RIN2: variants seen among roughly 807,000 people sequenced by gnomAD.
The protein encoded by RIN2 is Ras and Rab interactor 2, also known as RAB5 interacting protein 2.
In RIN2, 36 loss-of-function variants were observed where a neutral mutation model predicts 78.0. The observed-to-expected ratio is 0.46, with a 90% confidence interval of 0.35 to 0.61. RIN2 has a LOEUF of 0.61. RIN2 is among the 20% of genes least tolerant of loss of function. The pLI is 0.00. For synonymous variants in RIN2, 466 were observed against 466.8 expected (o/e 1.00, Z 0.02); for missense variants, 1,087 against 1,159.7 (o/e 0.94, Z 0.91).
chr20:19,967,820 G>A (rs1201260681), intron 7 of RIN2, among the ~76,000 whole-genome samples: 1 of 151,450 alleles, frequency 6.6e-6, no homozygotes, highest in Non-Finnish European at 1.5e-5. Context: ...CCGGAATAGA[G>A]GAATAGAGGA....
At chr20:19,807,680 G>A (rs1222807314) in intron 2 of RIN2, among the ~76,000 whole-genome samples, 1 of 152,174 alleles carries the variant, frequency 6.6e-6, no homozygotes, top group East Asian at 1.9e-4. Context: ...AAACTTGTCA[G>A]AATGAAATAA....
At chr20:19,889,176 C>T in intron 2 of RIN2, 3 of 985,448 alleles carry the variant, frequency 3.0e-6, no homozygotes, top group Non-Finnish European at 3.6e-6. Flanking sequence ...ATGTACAGAA[C>T]CTCCTTCTTC....
At chr20:19,873,355 G>C (rs1568561336) in intron 2 of RIN2, among the ~76,000 whole-genome samples, 1 of 152,036 alleles carries the variant, frequency 6.6e-6, no homozygotes, top group East Asian at 1.9e-4. Flanking sequence ...TTGAACTCCG[G>C]GGTCAAGGGA....
chr20:19,774,604 G>A lies in RIN2; in HGVS notation c.-163+16277G>A, dbSNP rs187401923. Among the ~76,000 whole-genome samples the A allele has an allele frequency of 4.7e-3, 722 of 152,300 alleles. 5 individuals are homozygous for A. The highest frequency in any genetic ancestry group is 0.017 in the African/African-American group (690 of 41,562). On this transcript the variant is annotated intron_variant, in intron 1 of 12. Coordinates refer to ENST00000255006, the MANE Select transcript of RIN2 (RefSeq NM_018993.4). ...TTCTAGAAAAAGGACACAAGGGAGTGGGATCCATGCATTTGCTCATCAAAT... is the reference window on the plus strand; with the variant it reads ...TTCTAGAAAAAGGACACAAGGGAGTAGGATCCATGCATTTGCTCATCAAAT...
intron 1 of RIN2, among the ~76,000 whole-genome samples, chr20:19,774,927 G>A (rs1372577791): frequency 1.3e-5 from 2 of 152,212 alleles, no homozygotes; most frequent in Non-Finnish European, 2.9e-5. Flanking sequence ...ACCCAGCAAA[G>A]CTGTGGTGAA....
At chr20:19,856,814 G>A (rs1292684150) in intron 2 of RIN2, among the ~76,000 whole-genome samples, 3 of 152,298 alleles carry the variant, frequency 2.0e-5, no homozygotes, top group South Asian at 2.1e-4. Context: ...CTAGCACCAT[G>A]AGCGAGGTAG....
intron 2 of RIN2, chr20:19,889,006 C>G (rs1380967643): frequency 7.0e-6 from 3 of 430,998 alleles, no homozygotes; most frequent in Admixed American, 6.4e-5. Context: ...CTTCCGTGAA[C>G]TGATCCCTGT....
chr20:19,857,837 A>G (rs1186860822), intron 2 of RIN2, among the ~76,000 whole-genome samples: 1 of 152,132 alleles, frequency 6.6e-6, no homozygotes, highest in African/African-American at 2.4e-5. Context: ...AATAATAATA[A>G]TAATTTGGAT....
At chr20:19,940,322 T>C (rs1482496941) in intron 4 of RIN2, among the ~76,000 whole-genome samples, 1 of 152,174 alleles carries the variant, frequency 6.6e-6, no homozygotes, top group African/African-American at 2.4e-5. Context: ...CCCTTAGTGA[T>C]TTTAAAGTAT....
At chr20:19,933,676 C>T (rs894730930) in intron 3 of RIN2, among the ~76,000 whole-genome samples, 2 of 152,088 alleles carry the variant, frequency 1.3e-5, no homozygotes, top group African/African-American at 4.8e-5. Flanking sequence ...AAGCTTTAAG[C>T]GCAAGTGAAG....
intron 3 of RIN2, among the ~76,000 whole-genome samples, chr20:19,903,364 A>G (rs774547074): frequency 2.6e-5 from 4 of 152,180 alleles, no homozygotes; most frequent in Admixed American, 6.6e-5. Context: ...CTGTTCTGTC[A>G]TTTCAGACCT....
chr20:19,937,987 A>C (rs1600867881), intron 4 of RIN2, among the ~76,000 whole-genome samples: 2 of 152,000 alleles, frequency 1.3e-5, no homozygotes, highest in Admixed American at 1.3e-4. Context: ...GCCAGTGCCC[A>C]CCTCCCGTCC....
intron 5 of RIN2, among the ~76,000 whole-genome samples, chr20:19,958,373 C>A (rs1568662224): frequency 6.6e-6 from 1 of 152,288 alleles, no homozygotes; most frequent in Non-Finnish European, 1.5e-5. Flanking sequence ...ACAGAAGTTG[C>A]TGCAGAGCTA....
chr20:19,762,856 C>T (rs1215071530), intron 1 of RIN2, among the ~76,000 whole-genome samples: 3 of 152,148 alleles, frequency 2.0e-5, no homozygotes, highest in African/African-American at 7.2e-5. Flanking sequence ...CTCCACCTCC[C>T]GGAGTCAAGC....
At position 19,974,768 on chromosome 20, in the gene RIN2, G is replaced by C. The variant is rs1312645998; in HGVS notation, c.743G>C (p.Gly248Ala). The C allele has an allele frequency of 6.2e-7, 1 of 1,613,970 alleles. No individual in the cohort carries two copies. The highest frequency in any genetic ancestry group is 2.2e-5 in the East Asian group (1 of 44,862). Residue 248 changes from glycine (G) to alanine (A), a missense_variant, in exon 9 of 13, where the codon GGA (glycine) becomes GCA (alanine). By Grantham distance (60) the Gly-to-Ala change is moderately conservative. This residue lies in a region of RIN2 where 706 missense variants were observed against 667.5 expected (regional missense o/e 1.06). Transcript: ENST00000255006. The stretch of plus-strand genomic sequence containing the variant: ...CTGCGTCAGCTCTGCCTTATAAATG[G>C]AGTGCATTCTATCAAAACCAGGACG... Reference protein sequence around the residue: ...ASLRQLCLINGVHSIKTRTPS... With the variant: ...ASLRQLCLINAVHSIKTRTPS...
chr20:19,786,018 A>G (rs1368407265), intron 1 of RIN2, among the ~76,000 whole-genome samples: 1 of 152,174 alleles, frequency 6.6e-6, no homozygotes, highest in Admixed American at 6.5e-5. Context: ...TGAGAATGGG[A>G]ATGGCTTCCC....
chr20:19,897,807 G>A (rs1358182129), intron 3 of RIN2, among the ~76,000 whole-genome samples: 4 of 151,986 alleles, frequency 2.6e-5, no homozygotes, highest in African/African-American at 9.7e-5. Flanking sequence ...GAACTCCTGG[G>A]CTCAAGCTAT....
chr20:19,842,738 C>T (rs1331082125), intron 2 of RIN2, among the ~76,000 whole-genome samples: 1 of 151,948 alleles, frequency 6.6e-6, no homozygotes, highest in Non-Finnish European at 1.5e-5. Context: ...TTCTGCAGCC[C>T]ATGGATCAAG....
At chr20:19,953,068 C>G (rs2041386869) in intron 4 of RIN2, among the ~76,000 whole-genome samples, 1 of 152,210 alleles carries the variant, frequency 6.6e-6, no homozygotes, top group Non-Finnish European at 1.5e-5. Context: ...CACGCAGGCT[C>G]TCAAGTTTGA....
Sources: allele counts gnomAD v4.1 joint callset (sites outside exome capture counted in the v4.1 genomes callset), GRCh38; gene constraint gnomAD v4.1.1; regional missense constraint gnomAD v4.1.1; transcripts MANE v1.5; gene names NCBI Gene and HGNC (gene_info 2026-07-23, HGNC 2026-07-21).